The following SPATA9 variants were observed in gnomAD, a reference collection of about 807,000 sequenced individuals.
SPATA9 encodes spermatogenesis-associated protein 9.
Under a neutral mutation model 25.5 loss-of-function variants are expected in SPATA9, and 27 were observed. The ratio of observed to expected loss-of-function variants is 1.06; its 90% confidence interval spans 0.78 to 1.46. SPATA9 has a LOEUF of 1.46. SPATA9 is among the 40% of genes most tolerant of loss of function. The pLI, the probability that SPATA9 is intolerant of heterozygous loss-of-function variation, is 0.00. For missense variants in SPATA9, 282 were observed against 297.5 expected (o/e 0.95, Z 0.38); for synonymous variants, 102 against 105.7 (o/e 0.97, Z 0.21).
chr5:95,680,896 C>T (rs1196661781), intron 2 of SPATA9, among the ~76,000 whole-genome samples: 5 of 152,266 alleles, frequency 3.3e-5, no homozygotes, highest in East Asian at 1.9e-4. Flanking sequence ...TCCTAGTTAA[C>T]GGGATCACTA....
At chr5:95,676,143 A>AT (rs1184026589) in intron 2 of SPATA9, among the ~76,000 whole-genome samples, 1 of 151,984 alleles carries the variant, frequency 6.6e-6, no homozygotes, top group Non-Finnish European at 1.5e-5. Context: ...ATATATGTAT[A>AT]TTTTTTTCCC....
the SPATA9 span, among the ~76,000 whole-genome samples, chr5:95,705,800 G>A: frequency 6.6e-6 from 1 of 152,110 alleles, no homozygotes; most frequent in Non-Finnish European, 1.5e-5. Flanking sequence ...AACATTAACT[G>A]ACATCTCAAC....
At chr5:95,653,004 C>T (rs1750449248) in exon 9 of SPATA9, 1 of 1,442,720 alleles carries the variant, frequency 6.9e-7, no homozygotes, top group Admixed American at 2.2e-5. Flanking sequence ...CACAGCACTG[C>T]ACAACCTGGC....
chr5:95,657,571 A>G (rs1034938704), downstream of SPATA9: 4 of 151,688 alleles, frequency 2.6e-5, no homozygotes, highest in Non-Finnish European at 4.4e-5. Context: ...TTAACATTCT[A>G]AGGAGCCGAC....
At chr5:95,694,727 A>T (rs1207739355) in intron 1 of SPATA9, among the ~76,000 whole-genome samples, 1 of 152,266 alleles carries the variant, frequency 6.6e-6, no homozygotes, top group Admixed American at 6.5e-5. Context: ...GAAGGATTGA[A>T]GAATATGCCA....
At chr5:95,702,323 A>T (rs153918), upstream of SPATA9, among the ~76,000 whole-genome samples, 87,348 of 152,004 alleles carry the variant, frequency 0.57, 25,298 homozygotes, top group East Asian at 0.8. Flanking sequence ...ATTTAAAAAT[A>T]CGTATCTGAT....
downstream of SPATA9, chr5:95,656,025 A>G (rs1266485325): frequency 6.2e-6 from 10 of 1,605,886 alleles, no homozygotes; most frequent in Non-Finnish European, 7.7e-6. Flanking sequence ...AGAATATTAA[A>G]TGAGTTATTC....
upstream of SPATA9, among the ~76,000 whole-genome samples, chr5:95,687,286 T>C (rs1753773114): frequency 6.6e-6 from 1 of 152,212 alleles, no homozygotes; most frequent in Admixed American, 6.5e-5. Context: ...AGGTTATCAT[T>C]ATTCTTGTGA....
chr5:95,720,746 AC>A, the SPATA9 span, among the ~76,000 whole-genome samples: 1 of 152,096 alleles, frequency 6.6e-6, no homozygotes, highest in Admixed American at 6.5e-5. Context: ...AGACTCGTAG[AC>A]TTTTCCCATG....
At chr5:95,668,618 T>C (rs1028875297) in intron 3 of SPATA9, among the ~76,000 whole-genome samples, 2 of 152,236 alleles carry the variant, frequency 1.3e-5, no homozygotes, top group Non-Finnish European at 2.9e-5. Context: ...TGTGCATATT[T>C]GAGTTAAAAA....
At chr5:95,704,721 A>G in the SPATA9 span, among the ~76,000 whole-genome samples, 1 of 152,170 alleles carries the variant, frequency 6.6e-6, no homozygotes, top group East Asian at 1.9e-4. Flanking sequence ...TATAAAGAAC[A>G]GAAATTTATT....
chr5:95,657,179 C>G (rs972065236), downstream of SPATA9: 3 of 152,030 alleles, frequency 2.0e-5, no homozygotes, highest in Admixed American at 6.6e-5. Context: ...CTAAGTGTCT[C>G]CTATAAATAT....
At position 95,682,292 on chromosome 5, in the gene SPATA9, T is replaced by C. The variant is rs369145413; in HGVS notation, c.150+236A>G. The stretch of plus-strand genomic sequence containing the variant: ...CTGCCAGGTGTTTACCCTAATGACA[T>C]AGTTAATGTCTTTAAACTTAATTCT... On this transcript the variant is annotated intron_variant, in intron 2 of 4. Coordinates refer to ENST00000274432, the MANE Select transcript of SPATA9 (RefSeq NM_031952.4). Among the ~76,000 whole-genome samples, 126 of 152,288 alleles carry C rather than the reference T, an allele frequency of 8.3e-4. 1 individual carries two copies. The South Asian group carries it at 0.025, about 31-fold the overall frequency.
At chr5:95,690,123 AC>A (rs1215234592) in intron 1 of SPATA9, among the ~76,000 whole-genome samples, 1 of 152,018 alleles carries the variant, frequency 6.6e-6, no homozygotes, top group African/African-American at 2.4e-5. Context: ...TGTACACCAA[AC>A]CCCCATGACA....
At chr5:95,674,516 C>T (rs1407145739) in intron 3 of SPATA9, among the ~76,000 whole-genome samples, 36 of 152,150 alleles carry the variant, frequency 2.4e-4, no homozygotes, top group Admixed American at 2.4e-3. Context: ...GGTTTTCTCC[C>T]TCTTTTTTTT....
At chr5:95,668,926 C>T (rs1041130129) in intron 3 of SPATA9, among the ~76,000 whole-genome samples, 1 of 152,138 alleles carries the variant, frequency 6.6e-6, no homozygotes, top group South Asian at 2.1e-4. Context: ...ACCACCCTGA[C>T]GAGAGTTACA....
chr5:95,658,706 G>A lies in SPATA9; in HGVS notation c.682C>T (p.Leu228Phe). 1.9e-6 allele frequency: 3 copies of A among 1,613,788 alleles called. No homozygotes were observed. The highest frequency in any genetic ancestry group is 2.5e-6 in the Non-Finnish European group (3 of 1,179,898). ...TTATTACTCTGCTTATTAGCAAGAA[G>A]CTTGGGGTAATCTGAAATGTCTGGC... ...EKPDISDYPK[L>F]LANKQSNNIQ... The change falls in exon 5 of 5, where the codon CTT becomes TTT. Residue 228 changes from leucine to phenylalanine, a missense_variant. By Grantham distance (22) the Leu-to-Phe change is conservative. Transcript: ENST00000274432.
chr5:95,711,671 G>C, the SPATA9 span, among the ~76,000 whole-genome samples: 2 of 152,182 alleles, frequency 1.3e-5, no homozygotes, highest in African/African-American at 4.8e-5. Context: ...CTGGGTGAGG[G>C]AGACTCTCCT....
At chr5:95,720,880 T>C in the SPATA9 span, among the ~76,000 whole-genome samples, 2 of 152,222 alleles carry the variant, frequency 1.3e-5, no homozygotes, top group Non-Finnish European at 2.9e-5. Context: ...TGCACTAACT[T>C]GTTCAACAAA....
Sources: gnomAD v4.1 joint callset for allele counts (sites outside exome capture counted in the v4.1 genomes callset) on GRCh38, gnomAD v4.1.1 for gene constraint, MANE v1.5 for transcripts, NCBI Gene and HGNC (gene_info 2026-07-23, HGNC 2026-07-21) for gene names.